The following BTD variants were observed in gnomAD, a reference collection of about 807,000 sequenced individuals.
The protein encoded by BTD is biocytinase.
BTD carries 13 observed loss-of-function variants against 17.7 expected under a neutral mutation model. The ratio of observed to expected loss-of-function variants is 0.74; its 90% confidence interval spans 0.48 to 1.17. The LOEUF (loss-of-function observed/expected upper bound fraction) is 1.17, where lower values mean the gene tolerates loss of function less well. Ranked by LOEUF, BTD falls within the 50% of genes most tolerant of loss-of-function variation. The pLI is 0.00. For synonymous variants in BTD, 240 were observed against 245.2 expected (o/e 0.98, Z 0.20); for missense variants, 674 against 650.4 (o/e 1.04, Z -0.39).
chr3:15,678,018 T>C (rs895420185), intron 3 of BTD, among the ~76,000 whole-genome samples: 1 of 152,196 alleles, frequency 6.6e-6, no homozygotes, highest in Non-Finnish European at 1.5e-5. Flanking sequence ...CATGGTAAAG[T>C]AGACTCCTCA....
At chr3:15,673,521 CA>C (rs1157378813) in intron 3 of BTD, among the ~76,000 whole-genome samples, 1 of 151,906 alleles carries the variant, frequency 6.6e-6, no homozygotes, top group Non-Finnish European at 1.5e-5. Flanking sequence ...ATCAACATAA[CA>C]AAAAAGTACA....
rs80184162 is a variant in BTD, at chr3:15,692,814, A to G, written c.400-17246A>G. Among the ~76,000 whole-genome samples, 665 of 152,380 alleles carry G rather than the reference A, an allele frequency of 4.4e-3. 8 individuals are homozygous for G. The highest frequency in any genetic ancestry group is 0.023 in the East Asian group (121 of 5,194). ...TTTAAAAACACTATTTAGTATACCT[A>G]TGGCATAGCAGCACTTATTCATAAT... is the stretch of plus-strand genomic sequence containing the variant. On this transcript the variant is annotated intron_variant, in intron 3 of 3. Coordinates refer to the BTD transcript ENST00000672141.
chr3:15,601,398 C>T, upstream of BTD: 1 of 1,614,140 alleles, frequency 6.2e-7, no homozygotes, highest in Non-Finnish European at 8.5e-7. Flanking sequence ...TTTTCAGGGC[C>T]TGAGCGATGA....
At position 15,697,040 on chromosome 3, in the gene BTD, T is replaced by C. The variant is rs2069691487; in HGVS notation, c.400-13020T>C. On this transcript the variant is annotated intron_variant, in intron 3 of 3. Transcript: ENST00000672141. ...TTGCAAAAATATGAAACAAGTCTATTTAGGCTATCTATCAACGAACGAGTG... is the reference window on the plus strand; with the variant it reads ...TTGCAAAAATATGAAACAAGTCTATCTAGGCTATCTATCAACGAACGAGTG... Among the ~76,000 whole-genome samples, 5 of 152,280 alleles carry C rather than the reference T, an allele frequency of 3.3e-5. No individual in the cohort carries two copies. The South Asian group carries it at 8.3e-4, about 25-fold the overall frequency.
intron 3 of BTD, among the ~76,000 whole-genome samples, chr3:15,700,363 G>A (rs1394834558): frequency 1.3e-5 from 2 of 151,828 alleles, no homozygotes; most frequent in Non-Finnish European, 2.9e-5. Context: ...TAAATGATGA[G>A]TTGATGGGTG....
At chr3:15,637,172 T>C (rs2065372406) in intron 2 of BTD, among the ~76,000 whole-genome samples, 1 of 151,970 alleles carries the variant, frequency 6.6e-6, no homozygotes. Flanking sequence ...GTATCCTCAG[T>C]CCCTTCCACA....
At position 15,648,900 on chromosome 3, in the gene BTD, T is replaced by C. The variant is rs950652498; in HGVS notation, c.*3412T>C. Among the ~76,000 whole-genome samples the C allele has an allele frequency of 2.0e-5, 3 of 152,158 alleles. No homozygotes were observed. On this transcript the variant is annotated 3_prime_UTR_variant, in exon 4 of 4. Transcript: ENST00000643237. ...GCAGAGATCACAGGGATGCCTCTAC[T>C]AGACAAGGCACACCAGAAATTGCTT... is the stretch of plus-strand genomic sequence containing the variant.
intron 3 of BTD, among the ~76,000 whole-genome samples, chr3:15,683,307 TG>T (rs1294642229): frequency 4.6e-5 from 7 of 152,218 alleles, no homozygotes; most frequent in Non-Finnish European, 8.8e-5. Context: ...TTAGATATTT[TG>T]GGTTTTCCTT....
chr3:15,640,089 C>A (rs2065456557), intron 2 of BTD, among the ~76,000 whole-genome samples: 1 of 152,078 alleles, frequency 6.6e-6, no homozygotes, highest in African/African-American at 2.4e-5. Flanking sequence ...GGGCGACAGA[C>A]CAAGACTCTC....
In BTD at chr3:15,635,603, C is replaced by A. The variant is rs1060499720; in HGVS notation, c.164C>A (p.Ala55Asp). ...TCCATCCTGAGTCTGAACCCTCTGG[C>A]TCTCATCAGCCGCCAAGAGGCCTTG... ...HPSILSLNPLALISRQEALEL... is the reference protein window; with the variant it reads ...HPSILSLNPLDLISRQEALEL... The change falls in exon 2 of 4, where the codon GCT becomes GAT. Residue 55 changes from alanine (A) to aspartate (D), a missense_variant. Coordinates refer to ENST00000643237, the MANE Select transcript of BTD (RefSeq NM_001370658.1). The surrounding 1 kb of genome is among the most constrained non-coding windows in gnomAD (Gnocchi z 4.1). The A allele has an allele frequency of 5.0e-6, 8 of 1,614,214 alleles. No homozygotes were observed. The highest frequency in any genetic ancestry group is 1.7e-5 in the Admixed American group (1 of 60,024).
intron 3 of BTD, among the ~76,000 whole-genome samples, chr3:15,700,767 C>T (rs2070461581): frequency 6.6e-6 from 1 of 151,654 alleles, no homozygotes; most frequent in Admixed American, 6.6e-5. Flanking sequence ...AGTGAGACTG[C>T]AAAAGAAACA....
chr3:15,651,203 G>T lies in BTD; in HGVS notation c.*5715G>T, dbSNP rs768524481. 1.3e-5 allele frequency among the ~76,000 whole-genome samples: 2 copies of T among 152,216 alleles called. No individual in the cohort carries two copies. Among genetic ancestry groups the T allele is most frequent in the African/African-American group, 4.8e-5 (2 of 41,462 alleles). ...TTTCCCAGGGGAACACTGGGACAGC[G>T]TTACCAGGGGAAGGGGAGTGGGATA... On this transcript the variant is annotated 3_prime_UTR_variant, in exon 4 of 4. Coordinates refer to ENST00000643237, the MANE Select transcript of BTD (RefSeq NM_001370658.1).
chr3:15,707,437 C>T (rs1395411367), intron 3 of BTD, among the ~76,000 whole-genome samples: 1 of 152,198 alleles, frequency 6.6e-6, no homozygotes, highest in Admixed American at 6.5e-5. Context: ...GTACCTACTA[C>T]GTACCAGATT....
chr3:15,676,663 ATAT>A (rs1487645829), intron 3 of BTD: 2 of 218,458 alleles, frequency 9.2e-6, no homozygotes, highest in Non-Finnish European at 1.8e-5. Context: ...TTCAAGTAAC[ATAT>A]TATTACAGTT....
At chr3:15,674,174 C>CAAAAAAAAA (rs34806568) in intron 3 of BTD, among the ~76,000 whole-genome samples, 570 of 40,044 alleles carry the variant, frequency 0.014, 67 homozygotes, top group Non-Finnish European at 0.018. Context: ...CCTGCCTCTT[C>CAAAAAAAAA]AAAAAAAAAA....
intron 1 of BTD, among the ~76,000 whole-genome samples, chr3:15,611,798 A>G (rs2064643012): frequency 6.6e-6 from 1 of 151,952 alleles, no homozygotes; most frequent in Non-Finnish European, 1.5e-5. Flanking sequence ...GAAAAAACAA[A>G]TAATGTATTT....
chr3:15,716,620 T>C (rs538572263), downstream of BTD, among the ~76,000 whole-genome samples: 3 of 152,074 alleles, frequency 2.0e-5, no homozygotes, highest in South Asian at 2.1e-4. Context: ...AGGAAAAACA[T>C]AGATTCCATT....
intron 2 of BTD, among the ~76,000 whole-genome samples, chr3:15,640,070 C>T (rs1261346111): frequency 1.3e-5 from 2 of 152,198 alleles, no homozygotes; most frequent in African/African-American, 4.8e-5. Context: ...CAACACTGCA[C>T]TCCAGCCTGG....
chr3:15,696,251 T>A, intron 3 of BTD: 1 of 1,507,006 alleles, frequency 6.6e-7, no homozygotes, highest in Non-Finnish European at 9.1e-7. Flanking sequence ...GGCACCTATA[T>A]ACAACAACAA....
Sources: gnomAD v4.1 joint callset for allele counts (sites outside exome capture counted in the v4.1 genomes callset) on GRCh38, gnomAD v4.1.1 for gene constraint, Gnocchi (gnomAD v3.1) non-coding constraint, MANE v1.5 for transcripts, NCBI Gene and HGNC (gene_info 2026-07-23, HGNC 2026-07-21) for gene names.